PPP2R3A: variants seen among roughly 807,000 people sequenced by gnomAD.
The protein encoded by PPP2R3A is protein phosphatase 2 regulatory subunit B''alpha.
In PPP2R3A, 80 loss-of-function variants were observed where a neutral mutation model predicts 106.9. That is an observed-to-expected ratio of 0.75 (90% CI 0.62 to 0.90). PPP2R3A has a LOEUF of 0.90. PPP2R3A is among the 40% of genes least tolerant of loss of function. The pLI, the probability that PPP2R3A is intolerant of heterozygous loss-of-function variation, is 0.00. For missense variants in PPP2R3A, 1,386 were observed against 1,350.4 expected (o/e 1.03, Z -0.41); for synonymous variants, 483 against 468.3 (o/e 1.03, Z -0.41).
rs551279419 is a variant in PPP2R3A at position 136,086,211 on chromosome 3, C to T, written c.2789-1672C>T. Among the ~76,000 whole-genome samples, 9 of 152,104 alleles carry T rather than the reference C, an allele frequency of 5.9e-5. No homozygotes were observed. The South Asian group carries it at 6.2e-4, about 11-fold the overall frequency. ...TTTAAGAAATAAAGTTGGCCAGGCG[C>T]GGTGGCTCACGCCTGTAATCCCAGC... On this transcript the variant is annotated intron_variant, in intron 8 of 13. Coordinates refer to ENST00000264977, the MANE Select transcript of PPP2R3A (RefSeq NM_002718.5).
At position 136,001,900 on chromosome 3, in the gene PPP2R3A, C is replaced by T; in HGVS notation, c.402C>T (p.Asn134=). The T allele has an allele frequency of 6.2e-7, 1 of 1,614,152 alleles. No homozygotes were observed. The highest frequency in any genetic ancestry group is 8.5e-7 in the Non-Finnish European group (1 of 1,180,022). ...IKEFSFEKLK[N]SNHAAYRKGR... ...AATTTTCCTTTGAAAAACTCAAAAA[C>T]TCTAACCATGCAGCTTACAGAAAGG... Residue 134 remains asparagine (N), a synonymous_variant, in exon 2 of 14, where the codon AAC becomes AAT. Transcript: ENST00000264977.
chr3:135,975,144 G>A (rs1427047433), intron 1 of PPP2R3A, among the ~76,000 whole-genome samples: 1 of 152,176 alleles, frequency 6.6e-6, no homozygotes. Context: ...CCTTTCCCAT[G>A]GTGGGCCCTC....
At chr3:135,995,924 T>C (rs750090810) in intron 1 of PPP2R3A, among the ~76,000 whole-genome samples, 9 of 152,230 alleles carry the variant, frequency 5.9e-5, no homozygotes, top group Non-Finnish European at 1.3e-4. Flanking sequence ...GTTTATACTT[T>C]CTTTCTCTGC....
At chr3:136,135,346 T>A (rs1938569296) in intron 13 of PPP2R3A, among the ~76,000 whole-genome samples, 1 of 151,918 alleles carries the variant, frequency 6.6e-6, no homozygotes, top group South Asian at 2.1e-4. Context: ...CACTAGAATG[T>A]GAACAAAGGA....
chr3:136,144,131 A>AG, intron 13 of PPP2R3A, among the ~76,000 whole-genome samples: 1 of 152,342 alleles, frequency 6.6e-6, no homozygotes, highest in South Asian at 2.1e-4. Context: ...AGCCAACCTT[A>AG]GGGGTAGCCT....
In PPP2R3A at chr3:136,077,747, TC is replaced by T. The variant is rs1441701539; in HGVS notation, c.2545-617del. Among the ~76,000 whole-genome samples, 12 of 152,218 alleles carry T rather than the reference TC, an allele frequency of 7.9e-5. 1 individual carries two copies. The South Asian group carries it at 2.3e-3, about 29-fold the overall frequency. ...CACATTTGCTTCTTATCTCCTCTTCTCCCATTCTATCCAAGGTTTTCTCCAG... is the reference window on the plus strand; with the variant it reads ...CACATTTGCTTCTTATCTCCTCTTCTCCATTCTATCCAAGGTTTTCTCCAG... On this transcript the variant is annotated intron_variant, in intron 6 of 13. Coordinates refer to ENST00000264977, the MANE Select transcript of PPP2R3A (RefSeq NM_002718.5).
chr3:135,999,817 A>G (rs1304981345), intron 1 of PPP2R3A, among the ~76,000 whole-genome samples: 1 of 152,024 alleles, frequency 6.6e-6, no homozygotes, highest in Non-Finnish European at 1.5e-5. Context: ...TCTGTCACCC[A>G]GGCTGGAGTG....
rs185631409 is a variant in PPP2R3A, at chr3:135,993,599, G to A, written c.-440-7460G>A. Among the ~76,000 whole-genome samples the A allele has an allele frequency of 7.3e-4, 111 of 152,312 alleles. 1 individual carries two copies. The East Asian group carries it at 0.012, about 16-fold the overall frequency. On this transcript the variant is annotated intron_variant, in intron 1 of 13. Transcript: ENST00000264977. ...GACTTTTACTTGATTAGTCATAATA[G>A]CTTTAAATCATAATAGCACAAACTA...
Position 135,985,325 on chromosome 3 carries a change from C to T in PPP2R3A, c.-440-15734C>T, listed in dbSNP as rs569162188. On this transcript the variant is annotated intron_variant, in intron 1 of 13. Coordinates refer to ENST00000264977, the MANE Select transcript of PPP2R3A (RefSeq NM_002718.5). ...TTTGTCTCTCTCTCTCTCCCCCTTT[C>T]CCTTTCTCTCTCTCTCTCTCTCTCC... Among the ~76,000 whole-genome samples, 586 of 151,098 alleles carry T rather than the reference C, an allele frequency of 3.9e-3. 2 individuals are homozygous for T. The highest frequency in any genetic ancestry group is 6.5e-3 in the Non-Finnish European group (438 of 67,582).
chr3:136,033,917 T>C (rs1465891240), intron 3 of PPP2R3A, among the ~76,000 whole-genome samples: 1 of 152,040 alleles, frequency 6.6e-6, no homozygotes, highest in Non-Finnish European at 1.5e-5. Flanking sequence ...CTGATCCTGG[T>C]CATTTCCTTT....
chr3:136,043,755 T>G (rs1935376203), intron 4 of PPP2R3A, among the ~76,000 whole-genome samples: 1 of 152,242 alleles, frequency 6.6e-6, no homozygotes, highest in South Asian at 2.1e-4. Context: ...TTCTTTTACC[T>G]TTTCATATCA....
At chr3:136,051,020 T>G (rs190354102) in intron 5 of PPP2R3A, among the ~76,000 whole-genome samples, 9 of 152,328 alleles carry the variant, frequency 5.9e-5, no homozygotes. Flanking sequence ...GGAGTGTTTC[T>G]ATCTAGGCCT....
At chr3:136,108,404 A>T (rs983643355) in intron 13 of PPP2R3A, among the ~76,000 whole-genome samples, 3 of 152,336 alleles carry the variant, frequency 2.0e-5, no homozygotes, top group Middle Eastern at 3.4e-3. Context: ...GAAGACTATG[A>T]AAGATCAAGT....
At chr3:136,070,597 C>CT (rs1936400514) in intron 6 of PPP2R3A, 45 bp downstream of exon 6, 6 of 1,471,208 alleles carry the variant, frequency 4.1e-6, no homozygotes, top group Non-Finnish European at 4.6e-6. Flanking sequence ...CATAAGTCAC[C>CT]TTTTTATTAC....
At chr3:135,997,066 C>T (rs1183163943) in intron 1 of PPP2R3A, among the ~76,000 whole-genome samples, 2 of 152,168 alleles carry the variant, frequency 1.3e-5, no homozygotes, top group Non-Finnish European at 2.9e-5. Flanking sequence ...GGATCTTTCC[C>T]TTCAACATGT....
At chr3:136,084,967 T>C (rs1936884713) in intron 8 of PPP2R3A, among the ~76,000 whole-genome samples, 1 of 152,136 alleles carries the variant, frequency 6.6e-6, no homozygotes, top group East Asian at 1.9e-4. Flanking sequence ...GGAAGGAAGT[T>C]GGGTTGTCTC....
At chr3:136,105,699 C>G (rs964534081) in intron 12 of PPP2R3A, among the ~76,000 whole-genome samples, 1 of 152,126 alleles carries the variant, frequency 6.6e-6, no homozygotes, top group African/African-American at 2.4e-5. Context: ...CGGTGGCTCA[C>G]ACCTGTAATC....
chr3:136,041,046 C>T (rs1935250041), intron 4 of PPP2R3A, 84 bp downstream of exon 4: 7 of 1,087,324 alleles, frequency 6.4e-6, no homozygotes, highest in Admixed American at 2.7e-5. Context: ...ACCTATTTTA[C>T]TCATTTATAC....
intron 2 of PPP2R3A, among the ~76,000 whole-genome samples, chr3:136,026,374 C>T (rs1488081486): frequency 6.6e-6 from 1 of 152,082 alleles, no homozygotes; most frequent in Non-Finnish European, 1.5e-5. Context: ...GTAAAAGGAG[C>T]CCCTTCCCCA....
Sources: allele counts gnomAD v4.1 joint callset (sites outside exome capture counted in the v4.1 genomes callset), GRCh38; gene constraint gnomAD v4.1.1; transcripts MANE v1.5; gene names NCBI Gene and HGNC (gene_info 2026-07-23, HGNC 2026-07-21).